Variants in GLDN observed in about 807,000 individuals in gnomAD.
GLDN encodes gliomedin.
GLDN carries 47 observed loss-of-function variants against 56.5 expected under a neutral mutation model. The observed-to-expected ratio is 0.83, with a 90% CI of 0.66 to 1.06. GLDN has a LOEUF of 1.06. GLDN is among the 50% of genes least tolerant of loss of function. The pLI is 0.00. For missense variants in GLDN, 782 were observed against 714.3 expected (o/e 1.09, Z -1.08); for synonymous variants, 332 against 278.8 (o/e 1.19, Z -1.90).
intron 1 of GLDN, among the ~76,000 whole-genome samples, chr15:51,356,742 C>A (rs1273664976): frequency 2.6e-5 from 4 of 152,142 alleles, no homozygotes; most frequent in African/African-American, 9.7e-5. Flanking sequence ...CAGTATCTAA[C>A]CTACAAGTTA....
chr15:51,404,268 A>G lies in GLDN; in HGVS notation c.1179-9A>G, dbSNP rs1168953129. The stretch of plus-strand genomic sequence containing the variant: ...TTCATGTCTACTTTTCTTTGTTTGC[A>G]TATTTCAGATTTGAATTTGGCCAGG... On this transcript the variant is annotated splice_polypyrimidine_tract_variant and intron_variant, in intron 9 of 9. Transcript: ENST00000335449. The G allele has an allele frequency of 5.8e-6, 9 of 1,563,244 alleles. No homozygotes were observed. The highest frequency in any genetic ancestry group is 2.7e-5 in the African/African-American group (2 of 72,928).
chr15:51,408,737 T>C (rs1254095602), downstream of GLDN, among the ~76,000 whole-genome samples: 1 of 152,178 alleles, frequency 6.6e-6, no homozygotes, highest in East Asian at 1.9e-4. Flanking sequence ...TGTGTCCAAG[T>C]GTTCTCATTG....
chr15:51,402,968 G>A lies in GLDN; in HGVS notation c.1178+1225G>A, dbSNP rs74013208. ...CCTCTCAAGACACACTCTTTCCTCCGATGCTTCTCACTGAATCTTGTGGTT... is the reference window on the plus strand; with the variant it reads ...CCTCTCAAGACACACTCTTTCCTCCAATGCTTCTCACTGAATCTTGTGGTT... On this transcript the variant is annotated intron_variant, in intron 9 of 9. Transcript: ENST00000335449. Among the ~76,000 whole-genome samples the A allele has an allele frequency of 5.1e-3, 783 of 152,218 alleles. 9 individuals are homozygous for A. Among genetic ancestry groups the A allele is most frequent in the African/African-American group, 0.018 (737 of 41,528 alleles).
rs1011731456 is a variant in GLDN, at chr15:51,380,957, C to T, written c.416-2479C>T. Among the ~76,000 whole-genome samples the T allele has an allele frequency of 3.9e-5, 6 of 152,162 alleles. No homozygotes were observed. The South Asian group carries it at 6.2e-4, about 16-fold the overall frequency. ...CTCCATTCCAGTCATCTATGATGCTCGGATAAAAATGCAGATTATTGGGCC... is the reference window on the plus strand; with the variant it reads ...CTCCATTCCAGTCATCTATGATGCTTGGATAAAAATGCAGATTATTGGGCC... On this transcript the variant is annotated intron_variant, in intron 2 of 9. Transcript: ENST00000335449.
chr15:51,394,702 A>G, intron 4 of GLDN, 133 bp from the exon 5 acceptor site: 1 of 798,496 alleles, frequency 1.3e-6, no homozygotes, highest in Non-Finnish European at 2.0e-6. Context: ...CTGCTGCTCT[A>G]AAATGGTTAT....
In GLDN at chr15:51,405,011, T is replaced by TTG. The variant is rs2038346006; in HGVS notation, c.*257_*258insTG. The TTG allele has an allele frequency of 1.4e-5, 5 of 361,026 alleles. No individual in the cohort carries two copies. The highest frequency in any genetic ancestry group is 2.5e-5 in the Non-Finnish European group (5 of 199,756). The allele number at this position is 361,026 out of a possible 1,614,324, so 22.4% of individuals were successfully genotyped here. On this transcript the variant is annotated 3_prime_UTR_variant, in exon 10 of 10. Transcript: ENST00000335449. ...GGCCTTAGTTTCCCCATTGGTAATC[T>TTG]GAATTGGCTAAGATGATTGGGGAGA...
At chr15:51,389,553 C>T (rs1012428677) in intron 4 of GLDN, among the ~76,000 whole-genome samples, 1 of 152,022 alleles carries the variant, frequency 6.6e-6, no homozygotes, top group Non-Finnish European at 1.5e-5. Context: ...TGCAGAGGAT[C>T]CTATTTGCAG....
chr15:51,347,001 G>A (rs543668530), intron 1 of GLDN, among the ~76,000 whole-genome samples: 10 of 152,320 alleles, frequency 6.6e-5, no homozygotes, highest in African/African-American at 2.4e-4. Flanking sequence ...AGGAGATGGA[G>A]GTTGCAGTGA....
At chr15:51,362,651 A>T (rs1480483143) in intron 1 of GLDN, among the ~76,000 whole-genome samples, 3 of 152,080 alleles carry the variant, frequency 2.0e-5, no homozygotes, top group Non-Finnish European at 2.9e-5. Flanking sequence ...GAGTGACATG[A>T]TCTCACCTGA....
chr15:51,400,480 G>A lies in GLDN; in HGVS notation c.1009G>A (p.Val337Met), dbSNP rs1231532649. The change falls in exon 8 of 10, where the codon GTG becomes ATG. Residue 337 changes from valine to methionine, a missense_variant. Physicochemically the swap from Val to Met is conservative, Grantham distance 21. Transcript: ENST00000335449. ...TAACAAGAGTGATGACCGGATTTGG[G>A]TGACAGAGCATTTTTCAGGTACTTG... The part of the protein sequence containing the change: ...SANKSDDRIW[V>M]TEHFSGIMVK... The A allele has an allele frequency of 1.9e-6, 3 of 1,614,158 alleles. No homozygotes were observed. Among genetic ancestry groups the A allele is most frequent in the Non-Finnish European group, 2.5e-6 (3 of 1,180,028 alleles).
At chr15:51,350,253 C>T (rs2037052076) in intron 1 of GLDN, among the ~76,000 whole-genome samples, 1 of 152,170 alleles carries the variant, frequency 6.6e-6, no homozygotes, top group African/African-American at 2.4e-5. Context: ...AGCTTTTAGC[C>T]ATCTATTATT....
At chr15:51,383,979 G>A (rs1256044520) in intron 4 of GLDN, 87 bp downstream of exon 4, 2 of 1,015,438 alleles carry the variant, frequency 2.0e-6, no homozygotes, top group Admixed American at 4.0e-5. Flanking sequence ...TGCAGCAGGG[G>A]TAAGGTGTTT....
chr15:51,368,867 T>G (rs2037459000), intron 1 of GLDN, among the ~76,000 whole-genome samples: 1 of 152,120 alleles, frequency 6.6e-6, no homozygotes, highest in Non-Finnish European at 1.5e-5. Context: ...GCTTACTGAG[T>G]GTTCTGTTTA....
chr15:51,373,632 A>G (rs1003165701), intron 1 of GLDN, among the ~76,000 whole-genome samples: 6 of 152,202 alleles, frequency 3.9e-5, no homozygotes, highest in African/African-American at 1.4e-4. Flanking sequence ...CCATGTAAAG[A>G]TGTGTGGCAC....
intron 1 of GLDN, among the ~76,000 whole-genome samples, chr15:51,367,224 G>A (rs2037422968): frequency 6.6e-6 from 1 of 152,154 alleles, no homozygotes; most frequent in Admixed American, 6.5e-5. Flanking sequence ...TCCTCCTTCG[G>A]GGACTTCAGG....
chr15:51,401,544 G>A, intron 8 of GLDN, 49 bp from the exon 9 acceptor site: 1 of 1,568,208 alleles, frequency 6.4e-7, no homozygotes, highest in Non-Finnish European at 8.7e-7. Context: ...CTCCCAAGCT[G>A]TGATTGCTGG....
In GLDN at chr15:51,341,942, G is replaced by C; in HGVS notation, c.258G>C (p.Pro86=). 2 of 1,597,128 alleles carry C rather than the reference G, an allele frequency of 1.3e-6. No individual in the cohort carries two copies. Among genetic ancestry groups the C allele is most frequent in the Non-Finnish European group, 1.7e-6 (2 of 1,179,314 alleles). Residue 86 remains proline, a synonymous_variant, in exon 1 of 10, where the codon CCG becomes CCC. Transcript: ENST00000335449. ...PRGASAPPQD[P]ASSARNKRSH... is the part of the protein sequence containing the mutation. ...GGGCGTCCGCACCACCCCAAGACCCGGCCAGCTCAGCTCGCAACAAGCGCA... is the reference window on the plus strand; with the variant it reads ...GGGCGTCCGCACCACCCCAAGACCCCGCCAGCTCAGCTCGCAACAAGCGCA...
rs140845355 is a variant in GLDN at position 51,391,168 on chromosome 15, A to C, written c.542-3667A>C. ...GCCATAAAATGATCATGCATTTCCC[A>C]ACCACAGTAAAACTACAGCCTCAAG... On this transcript the variant is annotated intron_variant, in intron 4 of 9. Transcript: ENST00000335449. 2.5e-3 allele frequency among the ~76,000 whole-genome samples: 382 copies of C among 152,348 alleles called. 2 individuals are homozygous for C. The highest frequency in any genetic ancestry group is 8.9e-3 in the African/African-American group (368 of 41,568).
intron 2 of GLDN, among the ~76,000 whole-genome samples, chr15:51,379,239 A>T (rs140282912): frequency 2.0e-5 from 3 of 152,312 alleles, no homozygotes; most frequent in African/African-American, 2.4e-5. Context: ...TTCTGAATGC[A>T]TCTTACTCTG....
Sources: gnomAD v4.1 joint callset for allele counts (sites outside exome capture counted in the v4.1 genomes callset) on GRCh38, gnomAD v4.1.1 for gene constraint, MANE v1.5 for transcripts, NCBI Gene and HGNC (gene_info 2026-07-23, HGNC 2026-07-21) for gene names.